Variants in ATP5F1C observed in about 807,000 individuals in gnomAD.
ATP5F1C encodes ATP synthase F1 subunit gamma, also known as ATP synthase F(1) complex subunit gamma, mitochondrial.
Under a neutral mutation model 37.4 loss-of-function variants are expected in ATP5F1C, and 22 were observed. The ratio of observed to expected loss-of-function variants is 0.59; its 90% CI spans 0.42 to 0.84. The LOEUF (loss-of-function observed/expected upper bound fraction) is 0.84, where lower values mean the gene tolerates loss of function less well. Among genes scored for constraint, ATP5F1C ranks in the 40% least tolerant of loss-of-function variants. The pLI, the probability that ATP5F1C is intolerant of heterozygous loss-of-function variation, is 0.00. For missense variants in ATP5F1C, 286 were observed against 362.4 expected (o/e 0.79, Z 1.71); for synonymous variants, 121 against 128.0 (o/e 0.95, Z 0.37).
chr10:7,807,149 G>A (rs537635437), intron 9 of ATP5F1C, 139 bp downstream of exon 9: 30 of 687,112 alleles, frequency 4.4e-5, no homozygotes, highest in South Asian at 1.4e-4. Context: ...GCCAACTCAC[G>A]GGAGCACCTG....
chr10:7,797,657 G>A (rs562123857), intron 3 of ATP5F1C, among the ~76,000 whole-genome samples: 47 of 152,268 alleles, frequency 3.1e-4, no homozygotes, highest in African/African-American at 1.0e-3. Context: ...CAGCGGGGGC[G>A]GGTGAGGGGC....
chr10:7,795,251 C>T (rs1371819199), intron 1 of ATP5F1C, among the ~76,000 whole-genome samples: 1 of 152,170 alleles, frequency 6.6e-6, no homozygotes. Context: ...AAATGACATT[C>T]TGTTCCCGAG....
intron 8 of ATP5F1C, chr10:7,804,269 C>T: frequency 2.0e-6 from 1 of 507,956 alleles, no homozygotes; most frequent in South Asian, 1.4e-5. Flanking sequence ...ATAACAAAAT[C>T]CATTCTCTGT....
intron 8 of ATP5F1C, among the ~76,000 whole-genome samples, chr10:7,803,213 A>G (rs908314157): frequency 6.6e-6 from 1 of 152,012 alleles, no homozygotes; most frequent in African/African-American, 2.4e-5. Context: ...TCTATAAACC[A>G]TTGCATGTTG....
intron 4 of ATP5F1C, 71 bp from the exon 5 acceptor site, chr10:7,799,701 T>C: frequency 6.4e-7 from 1 of 1,564,606 alleles, no homozygotes; most frequent in Non-Finnish European, 8.7e-7. Context: ...TGTTTTCTCC[T>C]GCCTGTCCCC....
At chr10:7,799,498 C>G (rs1383584874) in intron 4 of ATP5F1C, 1 of 559,060 alleles carries the variant, frequency 1.8e-6, no homozygotes, top group Non-Finnish European at 3.1e-6. Flanking sequence ...GGAGCTGTTA[C>G]AGCCTGGAAA....
intron 8 of ATP5F1C, among the ~76,000 whole-genome samples, chr10:7,805,553 C>G (rs1350117038): frequency 6.6e-6 from 1 of 151,992 alleles, no homozygotes; most frequent in Non-Finnish European, 1.5e-5. Context: ...TGAGACCATC[C>G]TGGCTAACTC....
chr10:7,792,458 T>A (rs988294721), intron 1 of ATP5F1C, among the ~76,000 whole-genome samples: 1 of 152,190 alleles, frequency 6.6e-6, no homozygotes, highest in Admixed American at 6.5e-5. Flanking sequence ...CATAATGACA[T>A]GTATCCACCA....
intron 1 of ATP5F1C, among the ~76,000 whole-genome samples, chr10:7,790,216 A>G (rs569480123): frequency 2.0e-5 from 3 of 152,302 alleles, no homozygotes; most frequent in South Asian, 4.1e-4. Context: ...GCATATTTCC[A>G]TGCTTCTGTC....
chr10:7,791,161 G>A (rs762824565), intron 1 of ATP5F1C, among the ~76,000 whole-genome samples: 32 of 152,082 alleles, frequency 2.1e-4, no homozygotes, highest in African/African-American at 7.2e-4. Flanking sequence ...TTACCCAGAC[G>A]TGGTGGTACG....
At position 7,799,088 on chromosome 10, in the gene ATP5F1C, T is replaced by C. The variant is rs773620083; in HGVS notation, c.322T>C (p.Ser108Pro). Residue 108 changes from serine to proline, a missense_variant, in exon 4 of 10, where the codon TCC becomes CCC. Coordinates refer to ENST00000356708, the MANE Select transcript of ATP5F1C (RefSeq NM_001001973.3). ...SDRGLCGAIH[S>P]SIAKQMKSEV... Reference sequence around the variant, plus strand: ...TCGAGGACTGTGTGGTGCTATTCATTCCTCCATTGCTAAACAGATGAAAAG... The same window carrying C: ...TCGAGGACTGTGTGGTGCTATTCATCCCTCCATTGCTAAACAGATGAAAAG... 2 of 1,613,698 alleles carry C rather than the reference T, an allele frequency of 1.2e-6. No homozygotes were observed. The highest frequency in any genetic ancestry group is 8.5e-7 in the Non-Finnish European group (1 of 1,179,910).
In ATP5F1C at chr10:7,807,717, G is replaced by A. The variant is rs1173319465; in HGVS notation, c.*89G>A. The stretch of plus-strand genomic sequence containing the variant: ...TTTTAGCTTACTGCTGCCTTTGTCC[G>A]AAGAAACTGTTCCTCCATTATTTGA... On this transcript the variant is annotated 3_prime_UTR_variant, in exon 10 of 10. Coordinates refer to ENST00000356708, the MANE Select transcript of ATP5F1C (RefSeq NM_001001973.3). 1.3e-5 allele frequency: 21 copies of A among 1,582,218 alleles called. No individual in the cohort carries two copies. Among genetic ancestry groups the A allele is most frequent in the South Asian group, 7.0e-5 (6 of 86,320 alleles).
At position 7,807,741 on chromosome 10, in the gene ATP5F1C, G is replaced by T; in HGVS notation, c.*113G>T. 6.8e-7 allele frequency: 1 copy of T among 1,468,170 alleles called. No individual in the cohort carries two copies. Among genetic ancestry groups the T allele is most frequent in the South Asian group, 1.3e-5 (1 of 79,118 alleles). The allele number at this position is 1,468,170 out of a possible 1,614,324, so 90.9% of individuals were successfully genotyped here. On this transcript the variant is annotated 3_prime_UTR_variant, in exon 10 of 10. Coordinates refer to ENST00000356708, the MANE Select transcript of ATP5F1C (RefSeq NM_001001973.3). ...CGAAGAAACTGTTCCTCCATTATTT[G>T]AATTACTGAAGACAGCAAGATATTT...
At chr10:7,802,446 G>C (rs768624100) in intron 7 of ATP5F1C, 21 bp downstream of exon 7, 2 of 1,597,162 alleles carry the variant, frequency 1.3e-6, no homozygotes, top group African/African-American at 2.7e-5. Context: ...AGTATGGACA[G>C]TGCCAGCAGG....
chr10:7,807,289 G>T (rs1836500744), intron 9 of ATP5F1C, among the ~76,000 whole-genome samples: 2 of 152,148 alleles, frequency 1.3e-5, no homozygotes, highest in South Asian at 4.1e-4. Context: ...AAGAGTGGTG[G>T]TTGTCACACT....
At chr10:7,801,800 G>A (rs1046709956) in intron 6 of ATP5F1C, among the ~76,000 whole-genome samples, 6 of 152,200 alleles carry the variant, frequency 3.9e-5, no homozygotes, top group Admixed American at 1.3e-4. Context: ...GTGGCATCAC[G>A]TCAGTGCTCA....
At chr10:7,799,259 GTT>G in intron 4 of ATP5F1C, 65 bp downstream of exon 4, 1 of 1,495,734 alleles carries the variant, frequency 6.7e-7, no homozygotes, top group East Asian at 2.5e-5. Context: ...TCTCTCAAAA[GTT>G]TTGACAAACT....
In ATP5F1C at chr10:7,799,910, A is replaced by G. The variant is rs760350740; in HGVS notation, c.567A>G (p.Lys189=). 5.6e-6 allele frequency: 9 copies of G among 1,613,084 alleles called. No individual in the cohort carries two copies. The South Asian group carries it at 6.6e-5, about 12-fold the overall frequency. The change falls in exon 5 of 10, where the codon AAA becomes AAG. Residue 189 remains lysine, a synonymous_variant. Coordinates refer to ENST00000356708, the MANE Select transcript of ATP5F1C (RefSeq NM_001001973.3). ...EFDEGSIIFN[K]FRSVISYKTE... is the part of the protein sequence containing the mutation. ...ATGAAGGCTCCATCATCTTTAATAA[A>G]TTCAGGCAAGACAGATTTAGAAATC... is the stretch of plus-strand genomic sequence containing the variant.
chr10:7,790,885 G>C lies in ATP5F1C; in HGVS notation c.56+2622G>C, dbSNP rs532064977. 7.3e-4 allele frequency among the ~76,000 whole-genome samples: 111 copies of C among 152,312 alleles called. 1 individual carries two copies. In the South Asian group the frequency reaches 0.022, roughly 30 times the overall value. On this transcript the variant is annotated intron_variant, in intron 1 of 9. Coordinates refer to ENST00000356708, the MANE Select transcript of ATP5F1C (RefSeq NM_001001973.3). ...GTATTTGCAAAGCATGTAGGACAAT[G>C]GGGGAAATGCTGATAGGGATCCAAA...
Sources: allele counts gnomAD v4.1 joint callset (sites outside exome capture counted in the v4.1 genomes callset), GRCh38; gene constraint gnomAD v4.1.1; transcripts MANE v1.5; gene names NCBI Gene and HGNC (gene_info 2026-07-23, HGNC 2026-07-21).